The following TSBP1 variants were observed in gnomAD, a reference collection of about 807,000 sequenced individuals.
TSBP1 encodes the protein testis expressed basic protein 1, also known as testis-expressed basic protein 1.
Under a neutral mutation model 68.8 loss-of-function variants are expected in TSBP1, and 56 were observed. That is an observed-to-expected ratio of 0.81 (90% CI 0.66 to 1.02). The LOEUF is 1.02. Among genes scored for constraint, TSBP1 ranks in the 50% least tolerant of loss-of-function variants. The probability of loss-of-function intolerance (pLI) is 0.00; values close to 1 mark genes in which losing one functional copy is unlikely to be tolerated. For synonymous variants in TSBP1, 171 were observed against 208.7 expected, an observed-to-expected ratio of 0.82 and a Z score of 1.56; for missense variants, 502 against 641.2, an observed-to-expected ratio of 0.78 and a Z score of 2.34.
intron 6 of TSBP1, among the ~76,000 whole-genome samples, chr6:32,364,241 C>T (rs896736212): frequency 5.3e-5 from 8 of 152,044 alleles, no homozygotes; most frequent in Non-Finnish European, 8.8e-5. Flanking sequence ...TTTCATATAT[C>T]GAGATGTCTA....
At chr6:32,329,324 A>T (rs1469546986) in intron 16 of TSBP1, among the ~76,000 whole-genome samples, 4 of 152,072 alleles carry the variant, frequency 2.6e-5, no homozygotes, top group Non-Finnish European at 2.9e-5. Context: ...ACCAGATGTG[A>T]CCCTTCCTTT....
Position 32,343,145 on chromosome 6 carries a change from C to T in TSBP1, c.350-3507G>A. ...CTTAAGCCCTTTCACCCTGACATAG[C>T]AGGAAACAGGAAATAGTTAAGACAG... On this transcript the variant is annotated intron_variant, in intron 9 of 22. Coordinates refer to ENST00000612031, the Ensembl canonical transcript of TSBP1. This position sits in a 1 kb window ranked among gnomAD's most constrained non-coding sequence, Gnocchi z 4.3. 3.0e-6 allele frequency: 2 copies of T among 664,444 alleles called. No homozygotes were observed. The highest frequency in any genetic ancestry group is 4.5e-6 in the Non-Finnish European group (2 of 443,658). The allele number at this position is 664,444 out of a possible 1,614,324, so 41.2% of individuals were successfully genotyped here.
Position 32,333,031 on chromosome 6 carries a change from C to T in TSBP1, c.473-977G>A, listed in dbSNP as rs576507811. ...TTTTTGTTGTTGTTTTTTTTTTAGACAGAGTCTTACTCTGTCGCCCAGGCT... is the reference window on the plus strand; with the variant it reads ...TTTTTGTTGTTGTTTTTTTTTTAGATAGAGTCTTACTCTGTCGCCCAGGCT... On this transcript the variant is annotated intron_variant, in intron 14 of 22. Transcript: ENST00000612031. The surrounding 1 kb of genome is among the most constrained non-coding windows in gnomAD (Gnocchi z 4.2). Among the ~76,000 whole-genome samples the T allele has an allele frequency of 5.7e-4, 85 of 148,820 alleles. 1 individual carries two copies. The highest frequency in any genetic ancestry group is 2.0e-3 in the African/African-American group (82 of 40,358).
chr6:32,310,230 C>T (rs183941056), intron 19 of TSBP1, among the ~76,000 whole-genome samples: 26 of 148,266 alleles, frequency 1.8e-4, no homozygotes, highest in African/African-American at 6.3e-4. Flanking sequence ...CAGCTTACTA[C>T]GATGAGTTTT....
intron 19 of TSBP1, among the ~76,000 whole-genome samples, chr6:32,308,957 C>CCTTTTTT (rs1562075680): frequency 1.6e-5 from 2 of 122,050 alleles, no homozygotes; most frequent in Non-Finnish European, 3.3e-5. Flanking sequence ...TTTCTTCCTG[C>CCTTTTTT]TTTTTTTTTT....
At chr6:32,366,762 C>CAAAAAAAAAAAAA (rs9257084) in intron 4 of TSBP1, among the ~76,000 whole-genome samples, 1 of 77,432 alleles carries the variant, frequency 1.3e-5, no homozygotes, top group Non-Finnish European at 2.5e-5. Context: ...GACTCCGTCT[C>CAAAAAAAAAAAAA]AAAAAAAAAA....
chr6:32,293,294 T>C, exon 23 of TSBP1: 1 of 1,612,726 alleles, frequency 6.2e-7, no homozygotes, highest in Non-Finnish European at 8.5e-7. Context: ...CACCTCAGTG[T>C]TCTTTACTTG....
intron 18 of TSBP1, 87 bp downstream of exon 19, chr6:32,323,030 A>G: frequency 1.0e-6 from 1 of 994,606 alleles, no homozygotes; most frequent in Non-Finnish European, 1.5e-6. Flanking sequence ...GAAGCAAGAG[A>G]AGAATGGGAA....
At chr6:32,342,326 G>A (rs9268257) in intron 9 of TSBP1, among the ~76,000 whole-genome samples, 51,081 of 151,816 alleles carry the variant, frequency 0.34, 9,654 homozygotes, top group Middle Eastern at 0.52. Context: ...ACCACGCCCA[G>A]CTAATTTTGT....
At chr6:32,318,807 G>C (rs1318266360) in intron 18 of TSBP1, among the ~76,000 whole-genome samples, 1 of 152,120 alleles carries the variant, frequency 6.6e-6, no homozygotes, top group African/African-American at 2.4e-5. Context: ...TTTCTGGGGG[G>C]TGATGAGAAT....
At chr6:32,345,721 T>C (rs1040746282) in intron 9 of TSBP1, among the ~76,000 whole-genome samples, 1 of 152,238 alleles carries the variant, frequency 6.6e-6, no homozygotes, top group African/African-American at 2.4e-5. Context: ...TAGTCTCCTC[T>C]ATCTTGGGCA....
At chr6:32,362,980 A>T (rs1773235309) in intron 6 of TSBP1, among the ~76,000 whole-genome samples, 1 of 152,136 alleles carries the variant, frequency 6.6e-6, no homozygotes, top group Non-Finnish European at 1.5e-5. Context: ...GGGTTACTGA[A>T]GTCCGCTACG....
At chr6:32,358,351 T>C (rs1037804908) in intron 6 of TSBP1, among the ~76,000 whole-genome samples, 1 of 152,170 alleles carries the variant, frequency 6.6e-6, no homozygotes, top group Admixed American at 6.5e-5. Flanking sequence ...CTTTGCACCC[T>C]TGGAATTTTA....
chr6:32,343,534 C>A lies in TSBP1; in HGVS notation c.350-3896G>T, dbSNP rs1270937808. Among the ~76,000 whole-genome samples, 1 of 152,104 alleles carries A rather than the reference C, an allele frequency of 6.6e-6. No homozygotes were observed. The highest frequency in any genetic ancestry group is 1.5e-5 in the Non-Finnish European group (1 of 68,010). On this transcript the variant is annotated intron_variant, in intron 9 of 22. Coordinates refer to ENST00000612031, the Ensembl canonical transcript of TSBP1. This position sits in a 1 kb window ranked among gnomAD's most constrained non-coding sequence, Gnocchi z 4.3. ...CCTTTCTCCTGTCTTTTCCGTTTCT[C>A]CCTCCCTCTTTCTTTCATCTTTTCA...
chr6:32,324,762 T>G, intron 16 of TSBP1: 17 of 1,509,586 alleles, frequency 1.1e-5, no homozygotes, highest in Non-Finnish European at 1.4e-5. Flanking sequence ...GTAAATTTAC[T>G]AGTGATATAC....
intron 22 of TSBP1, among the ~76,000 whole-genome samples, chr6:32,298,215 C>A (rs1388304102): frequency 6.6e-6 from 1 of 151,998 alleles, no homozygotes; most frequent in Non-Finnish European, 1.5e-5. Context: ...GTGAGGAGAG[C>A]ATTTGAGGGA....
exon 23 of TSBP1, chr6:32,293,496 C>G: frequency 6.2e-7 from 1 of 1,610,840 alleles, no homozygotes; most frequent in East Asian, 2.2e-5. Flanking sequence ...GCTTCCTGTC[C>G]CTTTGAGACA....
intron 19 of TSBP1, among the ~76,000 whole-genome samples, chr6:32,305,162 T>G (rs1765674338): frequency 6.6e-6 from 1 of 152,210 alleles, no homozygotes; most frequent in South Asian, 2.1e-4. Context: ...ACGAAGGAAT[T>G]CTTAACAGGA....
In TSBP1 at chr6:32,336,687, T is replaced by C; in HGVS notation, c.410-52A>G. 1 of 1,538,558 alleles carries C rather than the reference T, an allele frequency of 6.5e-7. No individual in the cohort carries two copies. The highest frequency in any genetic ancestry group is 1.7e-5 in the Admixed American group (1 of 59,806). ...GGTTTGACATTAATAGAATTTTCAT[T>C]TTACCAGTATTGTTTCTAAAGAAAC... On this transcript the variant is annotated intron_variant, in intron 11 of 22. Transcript: ENST00000612031. This position sits in a 1 kb window ranked among gnomAD's most constrained non-coding sequence, Gnocchi z 5.2.
Sources: allele counts gnomAD v4.1 joint callset (sites outside exome capture counted in the v4.1 genomes callset), GRCh38; gene constraint gnomAD v4.1.1; non-coding constraint Gnocchi (gnomAD v3.1); transcripts MANE v1.5; gene names NCBI Gene and HGNC (gene_info 2026-07-23, HGNC 2026-07-21).